The following TRAPPC8 variants were observed in gnomAD, a reference collection of about 807,000 sequenced individuals.
The protein encoded by TRAPPC8 is general sporulation gene 1 homolog.
A neutral mutation model predicts 174.3 loss-of-function variants in TRAPPC8; 54 were observed. The observed-to-expected ratio is 0.31, with a 90% confidence interval of 0.25 to 0.39. The LOEUF is 0.39. Among genes scored for constraint, TRAPPC8 ranks in the 10% least tolerant of loss-of-function variants. The probability of loss-of-function intolerance (pLI) is 1.00; values close to 1 mark genes in which losing one functional copy is unlikely to be tolerated. For missense variants in TRAPPC8, 1,531 were observed against 1,699.1 expected, an observed-to-expected ratio of 0.90 and a Z score of 1.74; for synonymous variants, 630 against 579.9, an observed-to-expected ratio of 1.09 and a Z score of -1.24.
Position 31,874,596 on chromosome 18 carries a change from T to A in TRAPPC8, c.1837A>T (p.Thr613Ser). The change falls in exon 13 of 29, where the codon ACT (threonine) becomes TCT (serine). Residue 613 changes from threonine to serine, a missense_variant. Coordinates refer to ENST00000283351, the MANE Select transcript of TRAPPC8 (RefSeq NM_014939.5). ...INFTIGRQSY[T>S]LRQLDNAVSA... Reference sequence around the variant, plus strand: ...ACAGCATTATCCAGCTGTCTAAGAGTATAGGACTGGCGCCCAATAGTGAAA... The same window carrying A: ...ACAGCATTATCCAGCTGTCTAAGAGAATAGGACTGGCGCCCAATAGTGAAA... 6.2e-7 allele frequency: 1 copy of A among 1,614,086 alleles called. No individual in the cohort carries two copies. Among genetic ancestry groups the A allele is most frequent in the Non-Finnish European group, 8.5e-7 (1 of 1,179,996 alleles).
chr18:31,914,674 A>C (rs2037057087), intron 4 of TRAPPC8, among the ~76,000 whole-genome samples: 1 of 152,220 alleles, frequency 6.6e-6, no homozygotes, highest in African/African-American at 2.4e-5. Context: ...AATGATTATT[A>C]AACTACATTT....
chr18:31,870,872 T>C, intron 15 of TRAPPC8, 54 bp downstream of exon 15: 1 of 1,378,176 alleles, frequency 7.3e-7, no homozygotes, highest in Non-Finnish European at 9.7e-7. Flanking sequence ...ATTATCTTCA[T>C]CATGCTGTAA....
At chr18:31,845,787 A>G (rs763905080) in intron 26 of TRAPPC8, among the ~76,000 whole-genome samples, 1 of 152,174 alleles carries the variant, frequency 6.6e-6, no homozygotes, top group Non-Finnish European at 1.5e-5. Flanking sequence ...GAAATAAAAA[A>G]AATAGTAATA....
intron 2 of TRAPPC8, among the ~76,000 whole-genome samples, chr18:31,927,939 G>T (rs1265597856): frequency 3.9e-5 from 6 of 152,050 alleles, no homozygotes; most frequent in Admixed American, 3.9e-4. Context: ...CAGATCACTT[G>T]AGGTCAGGAG....
intron 19 of TRAPPC8, among the ~76,000 whole-genome samples, chr18:31,860,826 T>A (rs571445259): frequency 6.6e-6 from 1 of 152,326 alleles, no homozygotes; most frequent in African/African-American, 2.4e-5. Context: ...CTTTCTGTAA[T>A]GCCCATCATA....
chr18:31,859,764 C>T (rs9952626), intron 19 of TRAPPC8, among the ~76,000 whole-genome samples: 6,143 of 152,274 alleles, frequency 0.04, 356 homozygotes, highest in African/African-American at 0.12. Flanking sequence ...TGGCTCACGC[C>T]TGTAATCCCA....
At chr18:31,920,478 A>G (rs1361799967) in intron 2 of TRAPPC8, among the ~76,000 whole-genome samples, 1 of 152,188 alleles carries the variant, frequency 6.6e-6, no homozygotes, top group East Asian at 1.9e-4. Context: ...TGTTCATGCA[A>G]TACCAGCTGC....
At chr18:31,893,908 A>G (rs879592564) in intron 11 of TRAPPC8, among the ~76,000 whole-genome samples, 1 of 152,230 alleles carries the variant, frequency 6.6e-6, no homozygotes, top group Non-Finnish European at 1.5e-5. Flanking sequence ...ACTAAACTGC[A>G]AAACCTGGAT....
At chr18:31,843,499 T>C (rs1240852319) in intron 26 of TRAPPC8, among the ~76,000 whole-genome samples, 1 of 152,230 alleles carries the variant, frequency 6.6e-6, no homozygotes, top group Non-Finnish European at 1.5e-5. Context: ...AAAGACATGC[T>C]GATTATAGAA....
At chr18:31,852,186 A>G (rs188187570) in intron 24 of TRAPPC8, among the ~76,000 whole-genome samples, 309 of 152,144 alleles carry the variant, frequency 2.0e-3, no homozygotes, top group Non-Finnish European at 3.5e-3. Flanking sequence ...ATAAAAAATA[A>G]AAAAACTAGC....
chr18:31,908,433 TTAAA>T lies in TRAPPC8; in HGVS notation c.1123-19_1123-16del. On this transcript the variant is annotated splice_polypyrimidine_tract_variant and intron_variant, in intron 7 of 28. Coordinates refer to ENST00000283351, the MANE Select transcript of TRAPPC8 (RefSeq NM_014939.5). ...CTTGATATTAGCTTTAAAAAAGAGATTAAATATGTTGACAAACAAAGAATTTAGT... is the reference window on the plus strand; with the variant it reads ...CTTGATATTAGCTTTAAAAAAGAGATTATGTTGACAAACAAAGAATTTAGT... 1 of 1,472,070 alleles carries T rather than the reference TTAAA, an allele frequency of 6.8e-7. No individual in the cohort carries two copies. The highest frequency in any genetic ancestry group is 1.3e-5 in the South Asian group (1 of 76,852). 91.2% of individuals were successfully genotyped at this position (1,472,070 alleles called of 1,614,324 possible).
At chr18:31,885,413 C>A (rs1319544391) in intron 12 of TRAPPC8, among the ~76,000 whole-genome samples, 1 of 152,164 alleles carries the variant, frequency 6.6e-6, no homozygotes, top group Non-Finnish European at 1.5e-5. Flanking sequence ...GATAAAACAT[C>A]CTATGCCCTT....
intron 12 of TRAPPC8, among the ~76,000 whole-genome samples, chr18:31,889,522 A>G (rs1316350057): frequency 6.6e-6 from 1 of 152,208 alleles, no homozygotes; most frequent in Non-Finnish European, 1.5e-5. Context: ...CATTTTTTGA[A>G]CAGAAACCTT....
chr18:31,897,662 A>C (rs1485939123), intron 11 of TRAPPC8, 124 bp downstream of exon 11: 1 of 616,650 alleles, frequency 1.6e-6, no homozygotes, highest in African/African-American at 1.9e-5. Flanking sequence ...CATGTTGTAA[A>C]TTCCCAAAGA....
chr18:31,932,983 G>GT (rs1231590693), intron 1 of TRAPPC8, among the ~76,000 whole-genome samples: 1 of 117,714 alleles, frequency 8.5e-6, no homozygotes, highest in East Asian at 2.5e-4. Flanking sequence ...GGGCGACAGA[G>GT]TGAGACTCCG....
chr18:31,859,374 C>T lies in TRAPPC8; in HGVS notation c.2746-1392G>A, dbSNP rs966131914. On this transcript the variant is annotated intron_variant, in intron 19 of 28. Coordinates refer to ENST00000283351, the MANE Select transcript of TRAPPC8 (RefSeq NM_014939.5). ...AAACAAGGGATTAATGTAGAAATCC[C>T]GCACATAGATTTAATAGGATAAAAA... Among the ~76,000 whole-genome samples the T allele has an allele frequency of 4.6e-5, 7 of 152,078 alleles. 1 individual carries two copies. In the Middle Eastern group the frequency reaches 0.014, roughly 296 times the overall value.
At chr18:31,880,090 A>AAAAAAAATAT (rs1259899654) in intron 12 of TRAPPC8, among the ~76,000 whole-genome samples, 5 of 85,346 alleles carry the variant, frequency 5.9e-5, no homozygotes, top group African/African-American at 2.1e-4. Context: ...TGAAAAAAAA[A>AAAAAAAATAT]ATATATATAT....
chr18:31,882,709 T>G (rs2035515114), intron 12 of TRAPPC8, among the ~76,000 whole-genome samples: 1 of 151,834 alleles, frequency 6.6e-6, no homozygotes, highest in Admixed American at 6.6e-5. Context: ...CTCTGCCTCC[T>G]GGGTTCAAGC....
At chr18:31,906,304 GAAAAA>G (rs560619669) in intron 9 of TRAPPC8, among the ~76,000 whole-genome samples, 1 of 91,168 alleles carries the variant, frequency 1.1e-5, no homozygotes, top group African/African-American at 3.9e-5. Flanking sequence ...CTGTCTCCAG[GAAAAA>G]AAAAAAAAAA....
Sources: allele counts gnomAD v4.1 joint callset (sites outside exome capture counted in the v4.1 genomes callset), GRCh38; gene constraint gnomAD v4.1.1; transcripts MANE v1.5; gene names NCBI Gene and HGNC (gene_info 2026-07-23, HGNC 2026-07-21).